Variants in DHX57 observed in about 807,000 individuals in gnomAD.
DHX57 encodes the protein DExH-box helicase 57.
A neutral mutation model predicts 156.2 loss-of-function variants in DHX57; 105 were observed. The observed-to-expected ratio is 0.67, with a 90% CI of 0.57 to 0.79. The LOEUF is 0.79. DHX57 is among the 30% of genes least tolerant of loss of function. The pLI is 0.00. For missense variants in DHX57, 1,847 were observed against 1,661.9 expected, an observed-to-expected ratio of 1.11 and a Z score of -1.94; for synonymous variants, 704 against 595.6, an observed-to-expected ratio of 1.18 and a Z score of -2.65.
chr2:38,846,046 A>C (rs990070312), intron 11 of DHX57, among the ~76,000 whole-genome samples: 5 of 151,944 alleles, frequency 3.3e-5, no homozygotes, highest in African/African-American at 1.2e-4. Flanking sequence ...TTGTATTCGT[A>C]GTAGAGACAG....
intron 1 of DHX57, among the ~76,000 whole-genome samples, chr2:38,869,342 T>C (rs968915016): frequency 6.6e-6 from 1 of 152,034 alleles, no homozygotes; most frequent in Non-Finnish European, 1.5e-5. Flanking sequence ...AATAGTGAGG[T>C]TGTGGGGAAA....
chr2:38,864,882 T>C (rs964078090), intron 2 of DHX57, among the ~76,000 whole-genome samples: 19 of 152,280 alleles, frequency 1.2e-4, no homozygotes, highest in African/African-American at 4.1e-4. Context: ...CTTGTCAAGG[T>C]TAACCATGAT....
At chr2:38,859,858 G>A (rs1218859027) in intron 5 of DHX57, among the ~76,000 whole-genome samples, 3 of 142,760 alleles carry the variant, frequency 2.1e-5, no homozygotes, top group Non-Finnish European at 4.5e-5. Context: ...GTCTCACTCT[G>A]TCTCCAAGGC....
At chr2:38,839,195 G>A (rs902890651) in intron 12 of DHX57, among the ~76,000 whole-genome samples, 1 of 151,732 alleles carries the variant, frequency 6.6e-6, no homozygotes, top group African/African-American at 2.4e-5. Context: ...CTCCCAAACT[G>A]CTGAGATTAT....
In DHX57 at chr2:38,818,922, A is replaced by G; in HGVS notation, c.3426T>C (p.Ser1142=). 1 of 1,614,186 alleles carries G rather than the reference A, an allele frequency of 6.2e-7. No individual in the cohort carries two copies. The highest frequency in any genetic ancestry group is 8.5e-7 in the Non-Finnish European group (1 of 1,180,026). ...AGAAGTTTTGTCTGCAGTAATTATA[A>G]CTTGCACGCACGCCTTCTTTTGTAC... ...QLSTKEGVRA[S]YNYCRQNFLS... is the part of the protein sequence containing the mutation. Residue 1142 remains serine, a synonymous_variant, in exon 19 of 24, where the codon AGT becomes AGC. Transcript: ENST00000457308.
intron 3 of DHX57, chr2:38,862,597 CT>C (rs1224828659): frequency 0.035 from 6,329 of 179,680 alleles, 7 homozygotes; most frequent in East Asian, 0.051. Flanking sequence ...CTGGAATGTC[CT>C]TTTTTTTTTT....
chr2:38,874,970 C>T (rs556733188), intron 1 of DHX57, among the ~76,000 whole-genome samples: 19 of 152,236 alleles, frequency 1.2e-4, no homozygotes, highest in African/African-American at 4.6e-4. Context: ...AACCATGCAG[C>T]CCAGGTAAAT....
intron 14 of DHX57, among the ~76,000 whole-genome samples, chr2:38,827,505 A>AAAAAAT (rs1553326974): frequency 3.0e-4 from 3 of 10,148 alleles, no homozygotes; most frequent in Admixed American, 2.8e-3. Context: ...AAAAAAAAAA[A>AAAAAAT]ATATATATAT....
chr2:38,810,843 G>C (rs1670207406), intron 21 of DHX57: 3 of 741,222 alleles, frequency 4.0e-6, no homozygotes, highest in African/African-American at 3.5e-5. Context: ...AGATACCTCA[G>C]GACTTCATTT....
intron 12 of DHX57, among the ~76,000 whole-genome samples, chr2:38,841,896 G>C (rs1558385529): frequency 1.3e-5 from 2 of 152,152 alleles, no homozygotes; most frequent in African/African-American, 4.8e-5. Flanking sequence ...TCAGCACAGG[G>C]TAGGCCTCAA....
intron 12 of DHX57, among the ~76,000 whole-genome samples, chr2:38,838,425 A>T (rs1671801309): frequency 2.0e-5 from 3 of 152,104 alleles, no homozygotes; most frequent in Admixed American, 2.0e-4. Flanking sequence ...CAGAAAATCC[A>T]GCCTCATCAG....
chr2:38,820,092 T>C (rs530772498), intron 17 of DHX57, among the ~76,000 whole-genome samples: 8 of 152,338 alleles, frequency 5.3e-5, no homozygotes, highest in Admixed American at 2.6e-4. Flanking sequence ...CTGAAAATCA[T>C]TCTAAACCAA....
intron 13 of DHX57, among the ~76,000 whole-genome samples, chr2:38,834,845 C>A (rs756515949): frequency 6.6e-6 from 1 of 152,176 alleles, no homozygotes; most frequent in African/African-American, 2.4e-5. Flanking sequence ...TGCAGCTATG[C>A]CAGCAGGTGT....
chr2:38,839,477 C>T (rs897844074), intron 12 of DHX57, among the ~76,000 whole-genome samples: 7 of 150,270 alleles, frequency 4.7e-5, no homozygotes, highest in Admixed American at 6.7e-5. Context: ...TTTGGGAGGC[C>T]GAGATGGGTG....
At chr2:38,830,354 A>G (rs561604153) in intron 13 of DHX57, among the ~76,000 whole-genome samples, 2 of 152,296 alleles carry the variant, frequency 1.3e-5, no homozygotes, top group African/African-American at 4.8e-5. Context: ...GTGGCCAGGC[A>G]TGGTGGCTCA....
rs1318475928 is a variant in DHX57 at position 38,825,721 on chromosome 2, T to C, written c.3014+126A>G. ...CACTAAGGATATCTTTCTTCACAAA[T>C]AAATGAGATTATTGGTGGTCATTCT... On this transcript the variant is annotated intron_variant, in intron 16 of 23. Transcript: ENST00000457308. The C allele has an allele frequency of 3.2e-6, 3 of 933,214 alleles. No homozygotes were observed. The African/African-American group carries it at 5.0e-5, about 16-fold the overall frequency. The allele number at this position is 933,214 out of a possible 1,614,324, so 57.8% of individuals were successfully genotyped here.
At position 38,813,900 on chromosome 2, in the gene DHX57, G is replaced by C; in HGVS notation, c.3607-5C>G. Reference sequence around the variant, plus strand: ...GTTCTCAGCATTTGAGTTTGCCTATGAGAAAAGCACAGCATTAATTAACAA... The same window carrying C: ...GTTCTCAGCATTTGAGTTTGCCTATCAGAAAAGCACAGCATTAATTAACAA... On this transcript the variant is annotated splice_polypyrimidine_tract_variant and splice_region_variant and intron_variant, in intron 20 of 23. Transcript: ENST00000457308. 1 of 1,612,394 alleles carries C rather than the reference G, an allele frequency of 6.2e-7. No homozygotes were observed. The highest frequency in any genetic ancestry group is 8.5e-7 in the Non-Finnish European group (1 of 1,178,858).
Position 38,823,138 on chromosome 2 carries a change from T to C in DHX57, c.3146A>G (p.Asp1049Gly). ...ATACCCAAGAGGGGTCAATCTTTCA[T>C]CTGGAGTTAATGCTCCTAAGTCTCG... The part of the protein sequence containing the change: ...RLRDLGALTP[D>G]ERLTPLGYHL... Residue 1049 changes from aspartate (D) to glycine (G), a missense_variant, in exon 17 of 24, where the codon GAT becomes GGT. Transcript: ENST00000457308. 6.2e-7 allele frequency: 1 copy of C among 1,614,216 alleles called. No individual in the cohort carries two copies. Among genetic ancestry groups the C allele is most frequent in the Middle Eastern group, 1.6e-4 (1 of 6,062 alleles).
At chr2:38,855,905 T>C (rs574923829) in intron 7 of DHX57, among the ~76,000 whole-genome samples, 2 of 152,284 alleles carry the variant, frequency 1.3e-5, no homozygotes, top group East Asian at 3.9e-4. Flanking sequence ...GAGACCAGCC[T>C]GGCCAACATG....
Sources: gnomAD v4.1 joint callset for allele counts (sites outside exome capture counted in the v4.1 genomes callset) on GRCh38, gnomAD v4.1.1 for gene constraint, MANE v1.5 for transcripts, NCBI Gene and HGNC (gene_info 2026-07-23, HGNC 2026-07-21) for gene names.